Variants in TAS2R1 observed in about 807,000 individuals in gnomAD.
The protein encoded by TAS2R1 is taste 2 receptor member 1.
For synonymous variants in TAS2R1, 141 were observed against 134.2 expected (o/e 1.05, Z -0.35); for missense variants, 370 against 353.4 (o/e 1.05, Z -0.38).
At chr5:9,824,166 C>T in the TAS2R1 span, among the ~76,000 whole-genome samples, 18 of 152,236 alleles carry the variant, frequency 1.2e-4, no homozygotes, top group South Asian at 4.1e-4. Flanking sequence ...CCGTCTTCTG[C>T]GCCTGACTCC....
the TAS2R1 span, among the ~76,000 whole-genome samples, chr5:9,846,395 G>T: frequency 6.6e-6 from 1 of 152,108 alleles, no homozygotes; most frequent in African/African-American, 2.4e-5. Flanking sequence ...CTACACACTG[G>T]ACAATGTGTC....
At chr5:9,798,709 C>T in the TAS2R1 span, among the ~76,000 whole-genome samples, 2 of 152,182 alleles carry the variant, frequency 1.3e-5, no homozygotes, top group Non-Finnish European at 2.9e-5. Flanking sequence ...GCCTGGGTCA[C>T]TACTTTACAA....
chr5:9,770,394 T>A, the TAS2R1 span, among the ~76,000 whole-genome samples: 1 of 152,260 alleles, frequency 6.6e-6, no homozygotes, highest in African/African-American at 2.4e-5. Context: ...TTTGGCTATT[T>A]TGGGTCTTTT....
At chr5:9,677,819 G>T (rs779813184) in intron 1 of TAS2R1, among the ~76,000 whole-genome samples, 1 of 152,136 alleles carries the variant, frequency 6.6e-6, no homozygotes, top group African/African-American at 2.4e-5. Context: ...ATGCTCGCAG[G>T]TATTCACCCA....
the TAS2R1 span, among the ~76,000 whole-genome samples, chr5:9,877,691 G>A: frequency 2.6e-5 from 4 of 152,166 alleles, no homozygotes; most frequent in East Asian, 1.9e-4. Flanking sequence ...TGTTCTGAGC[G>A]GCTCTCATCT....
the TAS2R1 span, among the ~76,000 whole-genome samples, chr5:9,880,917 G>A: frequency 3.9e-5 from 6 of 152,082 alleles, no homozygotes. Flanking sequence ...GTGGGGCCTC[G>A]CTGCAGGAAT....
chr5:9,900,221 T>C, the TAS2R1 span, among the ~76,000 whole-genome samples: 4 of 152,350 alleles, frequency 2.6e-5, no homozygotes, highest in East Asian at 7.7e-4. Context: ...ATGGAGATTA[T>C]AATGATAATG....
chr5:9,680,488 A>G (rs77249467), intron 1 of TAS2R1, among the ~76,000 whole-genome samples: 8,479 of 152,314 alleles, frequency 0.056, 367 homozygotes, highest in African/African-American at 0.12. Context: ...CAGGTGATCA[A>G]GTTCAACATC....
the TAS2R1 span, among the ~76,000 whole-genome samples, chr5:9,786,443 G>T: frequency 8.8e-4 from 134 of 152,288 alleles, 1 homozygote; most frequent in African/African-American, 3.1e-3. Context: ...AGTATGGAAG[G>T]GATGTGAATT....
intron 1 of TAS2R1, among the ~76,000 whole-genome samples, chr5:9,704,736 G>C (rs564548306): frequency 6.6e-6 from 1 of 152,256 alleles, no homozygotes; most frequent in South Asian, 2.1e-4. Context: ...CTTACTATCA[G>C]ATTGCTAAAG....
At chr5:9,666,818 A>T (rs1740643128) in intron 1 of TAS2R1, among the ~76,000 whole-genome samples, 1 of 152,202 alleles carries the variant, frequency 6.6e-6, no homozygotes, top group Non-Finnish European at 1.5e-5. Flanking sequence ...CAGCATCATA[A>T]AGGAAATTCT....
chr5:9,740,271 T>A, the TAS2R1 span, among the ~76,000 whole-genome samples: 1 of 152,298 alleles, frequency 6.6e-6, no homozygotes, highest in Non-Finnish European at 1.5e-5. Flanking sequence ...GACTGATTTG[T>A]AGGCGAATAA....
At chr5:9,801,287 C>T in the TAS2R1 span, among the ~76,000 whole-genome samples, 3 of 152,212 alleles carry the variant, frequency 2.0e-5, no homozygotes, top group African/African-American at 7.2e-5. Context: ...AACATGCTGG[C>T]ACCTTGATGC....
the TAS2R1 span, among the ~76,000 whole-genome samples, chr5:9,801,106 T>A: frequency 6.6e-6 from 1 of 152,148 alleles, no homozygotes; most frequent in South Asian, 2.1e-4. Context: ...GCAGGAGAAT[T>A]GCTTGAACCT....
At chr5:9,736,826 C>A in the TAS2R1 span, among the ~76,000 whole-genome samples, 2 of 152,124 alleles carry the variant, frequency 1.3e-5, no homozygotes, top group African/African-American at 4.8e-5. Flanking sequence ...CCCATGAGGG[C>A]TTAGCAAAAG....
chr5:9,898,084 TAA>T, the TAS2R1 span, among the ~76,000 whole-genome samples: 1 of 152,234 alleles, frequency 6.6e-6, no homozygotes, highest in Non-Finnish European at 1.5e-5. Flanking sequence ...GACTAAGCTT[TAA>T]ACTATTAATA....
the TAS2R1 span, among the ~76,000 whole-genome samples, chr5:9,840,849 ATTTATTTATTTTTT>A: frequency 7.7e-5 from 1 of 12,922 alleles, no homozygotes. Flanking sequence ...TTATTTATTT[ATTTATTTATTTTTT>A]TTTTTTTTTT....
chr5:9,755,796 A>G, the TAS2R1 span, among the ~76,000 whole-genome samples: 1 of 152,126 alleles, frequency 6.6e-6, no homozygotes, highest in East Asian at 1.9e-4. Context: ...TAGACCACAT[A>G]AGGTAACTTT....
chr5:9,836,286 G>A, the TAS2R1 span, among the ~76,000 whole-genome samples: 4 of 151,986 alleles, frequency 2.6e-5, no homozygotes. Context: ...CATGAAAATG[G>A]ACTAATAAAG....
Sources: allele counts gnomAD v4.1 joint callset (sites outside exome capture counted in the v4.1 genomes callset), GRCh38; gene constraint gnomAD v4.1.1; transcripts MANE v1.5; gene names NCBI Gene and HGNC (gene_info 2026-07-23, HGNC 2026-07-21).